Variants in DNER observed in about 807,000 individuals in gnomAD.
DNER encodes the protein delta/notch like EGF repeat containing, also known as delta and Notch-like epidermal growth factor-related receptor.
In DNER, 33 loss-of-function variants were observed where a neutral mutation model predicts 78.2. The ratio of observed to expected loss-of-function variants is 0.42; its 90% CI spans 0.32 to 0.56. The LOEUF is 0.56. Among genes scored for constraint, DNER ranks in the 20% least tolerant of loss-of-function variants. The probability of loss-of-function intolerance (pLI) is 0.11; values close to 1 mark genes in which losing one functional copy is unlikely to be tolerated. For synonymous variants in DNER, 417 were observed against 384.8 expected, an observed-to-expected ratio of 1.08 and a Z score of -0.98; for missense variants, 918 against 975.3, an observed-to-expected ratio of 0.94 and a Z score of 0.78.
At chr2:229,516,877 G>A (rs1253774908) in intron 5 of DNER, among the ~76,000 whole-genome samples, 1 of 151,470 alleles carries the variant, frequency 6.6e-6, no homozygotes, top group Non-Finnish European at 1.5e-5. Context: ...GGAGGCCGAG[G>A]TGGGCGGATC....
chr2:229,478,119 G>GA (rs1217126851), intron 6 of DNER, among the ~76,000 whole-genome samples: 2 of 151,992 alleles, frequency 1.3e-5, no homozygotes, highest in African/African-American at 4.8e-5. Context: ...CACAGAAAAA[G>GA]AAAAAAATGT....
chr2:229,390,946 C>G (rs528239653), intron 10 of DNER, among the ~76,000 whole-genome samples: 1 of 152,120 alleles, frequency 6.6e-6, no homozygotes, highest in Admixed American at 6.5e-5. Context: ...AACCCTCCTA[C>G]GCATCTAGTT....
At chr2:229,559,878 C>A (rs985705808) in intron 4 of DNER, among the ~76,000 whole-genome samples, 2 of 152,202 alleles carry the variant, frequency 1.3e-5, no homozygotes, top group African/African-American at 2.4e-5. Context: ...TCCTATCACA[C>A]AAACAAATGC....
At chr2:229,390,503 G>C (rs1011220715) in intron 10 of DNER, among the ~76,000 whole-genome samples, 2 of 152,234 alleles carry the variant, frequency 1.3e-5, no homozygotes, top group African/African-American at 4.8e-5. Flanking sequence ...CTCTAACATA[G>C]TCAGGGGAAG....
intron 5 of DNER, among the ~76,000 whole-genome samples, chr2:229,535,129 C>T (rs1349763092): frequency 1.3e-5 from 2 of 152,158 alleles, no homozygotes; most frequent in Non-Finnish European, 2.9e-5. Flanking sequence ...AGCCACCACG[C>T]CTGGCTGTAT....
intron 1 of DNER, among the ~76,000 whole-genome samples, chr2:229,636,004 A>G (rs1049951183): frequency 2.6e-5 from 4 of 152,114 alleles, no homozygotes; most frequent in Non-Finnish European, 5.9e-5. Flanking sequence ...GAGGTACAAA[A>G]AAGTTAAGTA....
intron 1 of DNER, among the ~76,000 whole-genome samples, chr2:229,706,722 C>T (rs914146003): frequency 6.6e-6 from 1 of 152,134 alleles, no homozygotes; most frequent in African/African-American, 2.4e-5. Flanking sequence ...ATCTGGATTT[C>T]ATATAACTTT....
chr2:229,516,942 C>A (rs1290659834), intron 5 of DNER, among the ~76,000 whole-genome samples: 1 of 139,566 alleles, frequency 7.2e-6, no homozygotes. Flanking sequence ...CCCGTCTCTA[C>A]TAAAAATACA....
intron 11 of DNER, among the ~76,000 whole-genome samples, chr2:229,370,313 T>A (rs1443809196): frequency 6.6e-6 from 1 of 152,224 alleles, no homozygotes; most frequent in African/African-American, 2.4e-5. Flanking sequence ...ATGTGATTTC[T>A]GAGTTTGCAT....
intron 7 of DNER, among the ~76,000 whole-genome samples, chr2:229,459,576 C>T (rs1295209199): frequency 1.3e-5 from 2 of 152,010 alleles, no homozygotes; most frequent in Non-Finnish European, 2.9e-5. Flanking sequence ...TCAGAGACTT[C>T]GCTTTAGGGA....
intron 5 of DNER, among the ~76,000 whole-genome samples, chr2:229,527,737 GT>G (rs974603643): frequency 1.2e-4 from 19 of 152,080 alleles, no homozygotes; most frequent in Non-Finnish European, 2.6e-4. Context: ...TTTTTTTTAA[GT>G]TATTTTCTCC....
intron 11 of DNER, among the ~76,000 whole-genome samples, chr2:229,387,018 C>T (rs1179899932): frequency 1.3e-5 from 2 of 152,146 alleles, no homozygotes; most frequent in African/African-American, 4.8e-5. Context: ...TATAAAGACA[C>T]ATGCACACGT....
intron 4 of DNER, among the ~76,000 whole-genome samples, chr2:229,555,441 G>A (rs1696838832): frequency 6.6e-6 from 1 of 152,068 alleles, no homozygotes; most frequent in African/African-American, 2.4e-5. Context: ...CAGTCTTACA[G>A]CCATTGAGAT....
intron 11 of DNER, among the ~76,000 whole-genome samples, chr2:229,372,498 A>C (rs1305851456): frequency 1.3e-5 from 2 of 152,232 alleles, no homozygotes; most frequent in Non-Finnish European, 2.9e-5. Flanking sequence ...CTGGAAGAAC[A>C]GCATGACTGC....
intron 11 of DNER, among the ~76,000 whole-genome samples, chr2:229,374,725 C>T (rs1692560373): frequency 6.6e-6 from 1 of 151,960 alleles, no homozygotes; most frequent in Admixed American, 6.6e-5. Context: ...ACACTTCAAT[C>T]AATAAGGAAT....
chr2:229,657,323 T>A (rs934424227), intron 1 of DNER, among the ~76,000 whole-genome samples: 8 of 152,180 alleles, frequency 5.3e-5, no homozygotes, highest in Non-Finnish European at 1.2e-4. Flanking sequence ...GATTTCCTCA[T>A]TTTTTTGTGG....
At chr2:229,426,332 T>G (rs1010234795) in intron 8 of DNER, among the ~76,000 whole-genome samples, 2 of 149,230 alleles carry the variant, frequency 1.3e-5, no homozygotes, top group African/African-American at 4.9e-5. Context: ...TCCCAGCTAC[T>G]CCAGAGGCTG....
intron 6 of DNER, among the ~76,000 whole-genome samples, chr2:229,498,554 T>C (rs1016366371): frequency 6.6e-6 from 1 of 152,158 alleles, no homozygotes; most frequent in Non-Finnish European, 1.5e-5. Flanking sequence ...AATTAATAAA[T>C]GAATTCAGTA....
intron 1 of DNER, among the ~76,000 whole-genome samples, chr2:229,682,888 C>T (rs1699409012): frequency 6.6e-6 from 1 of 151,978 alleles, no homozygotes; most frequent in Non-Finnish European, 1.5e-5. Flanking sequence ...GAGAGAGTGA[C>T]AGTGAGAACC....
Sources: gnomAD v4.1 joint callset for allele counts (sites outside exome capture counted in the v4.1 genomes callset) on GRCh38, gnomAD v4.1.1 for gene constraint, MANE v1.5 for transcripts, NCBI Gene and HGNC (gene_info 2026-07-23, HGNC 2026-07-21) for gene names.